The following DYNC1I1 variants were observed in gnomAD, a reference collection of about 807,000 sequenced individuals.
DYNC1I1 encodes cytoplasmic dynein 1 intermediate chain 1.
A neutral mutation model predicts 86.6 loss-of-function variants in DYNC1I1; 43 were observed. The observed-to-expected ratio is 0.50, with a 90% CI of 0.39 to 0.64. The LOEUF (loss-of-function observed/expected upper bound fraction) is 0.64, where lower values mean the gene tolerates loss of function less well. Among genes scored for constraint, DYNC1I1 ranks in the 30% least tolerant of loss-of-function variants. The pLI, the probability that DYNC1I1 is intolerant of heterozygous loss-of-function variation, is 0.00. For synonymous variants in DYNC1I1, 262 were observed against 283.7 expected (o/e 0.92, Z 0.77); for missense variants, 604 against 788.8 (o/e 0.77, Z 2.81).
chr7:95,804,682 T>G (rs777502994), intron 1 of DYNC1I1, 39 bp from the exon 2 acceptor site: 9 of 1,508,094 alleles, frequency 6.0e-6, no homozygotes, highest in Non-Finnish European at 6.2e-6. Flanking sequence ...AGAAAAGTTA[T>G]TTATATATAT....
chr7:96,013,325 T>C (rs1794322359), intron 10 of DYNC1I1, among the ~76,000 whole-genome samples: 1 of 152,134 alleles, frequency 6.6e-6, no homozygotes, highest in African/African-American at 2.4e-5. Flanking sequence ...AAATTGATTC[T>C]CCCCTTTACC....
chr7:95,850,626 T>C (rs1024482715), intron 5 of DYNC1I1, among the ~76,000 whole-genome samples: 2 of 152,208 alleles, frequency 1.3e-5, no homozygotes, highest in Admixed American at 1.3e-4. Context: ...TGTAATGCCT[T>C]TTCCATCTTA....
chr7:95,954,864 C>T (rs950850478), intron 6 of DYNC1I1, among the ~76,000 whole-genome samples: 2 of 135,602 alleles, frequency 1.5e-5, no homozygotes, highest in Non-Finnish European at 3.0e-5. Flanking sequence ...TGCAGTGAGC[C>T]GAGATCGCAC....
chr7:95,888,127 A>C (rs944446387), intron 6 of DYNC1I1, among the ~76,000 whole-genome samples: 1 of 152,238 alleles, frequency 6.6e-6, no homozygotes, highest in Non-Finnish European at 1.5e-5. Context: ...TTGGATGATT[A>C]AATATTTTTA....
intron 5 of DYNC1I1, among the ~76,000 whole-genome samples, chr7:95,846,623 CTCTCTGTGTG>C (rs1400613258): frequency 2.5e-5 from 3 of 121,242 alleles, no homozygotes; most frequent in East Asian, 2.3e-4. Flanking sequence ...ATAAATCTCT[CTCTCTGTGTG>C]TGTGTGTGTG....
intron 10 of DYNC1I1, among the ~76,000 whole-genome samples, chr7:96,005,638 G>A (rs1794123213): frequency 6.6e-6 from 1 of 152,150 alleles, no homozygotes. Flanking sequence ...AAGAACTGCT[G>A]TATGGGAACA....
At chr7:95,907,496 C>T (rs1204352486) in intron 6 of DYNC1I1, among the ~76,000 whole-genome samples, 2 of 152,164 alleles carry the variant, frequency 1.3e-5, no homozygotes, top group Non-Finnish European at 2.9e-5. Flanking sequence ...CTTCACTCTT[C>T]ACTATGGTCA....
chr7:95,778,037 A>G (rs1294862760), intron 1 of DYNC1I1, among the ~76,000 whole-genome samples: 1 of 152,218 alleles, frequency 6.6e-6, no homozygotes, highest in African/African-American at 2.4e-5. Context: ...TCCAATTAAA[A>G]TCTAAATACC....
chr7:95,949,974 CTT>C (rs59942915), intron 6 of DYNC1I1, among the ~76,000 whole-genome samples: 8 of 150,008 alleles, frequency 5.3e-5, no homozygotes, highest in Non-Finnish European at 7.4e-5. Flanking sequence ...TCTCATCTTT[CTT>C]TTTTTTTTTC....
intron 14 of DYNC1I1, among the ~76,000 whole-genome samples, chr7:96,044,479 T>C (rs1045730377): frequency 6.6e-6 from 1 of 152,002 alleles, no homozygotes; most frequent in African/African-American, 2.4e-5. Flanking sequence ...TTCTTGAGAT[T>C]AGAGAGAGCT....
At chr7:96,006,556 T>C (rs1413646943) in intron 10 of DYNC1I1, among the ~76,000 whole-genome samples, 1 of 152,210 alleles carries the variant, frequency 6.6e-6, no homozygotes, top group Non-Finnish European at 1.5e-5. Context: ...TTTAGAACAT[T>C]CCAATGTGTT....
At chr7:95,959,408 T>G (rs1792803575) in intron 6 of DYNC1I1, among the ~76,000 whole-genome samples, 1 of 152,158 alleles carries the variant, frequency 6.6e-6, no homozygotes, top group Non-Finnish European at 1.5e-5. Context: ...CAAGGCCATG[T>G]CAGTAGGTTA....
intron 14 of DYNC1I1, 106 bp from the exon 15 acceptor site, chr7:96,075,951 A>T: frequency 1.4e-6 from 2 of 1,446,464 alleles, no homozygotes; most frequent in Non-Finnish European, 1.8e-6. Context: ...TCATCTCGGG[A>T]AGTTTTATGA....
At chr7:95,981,866 G>T (rs1331904990) in intron 7 of DYNC1I1, among the ~76,000 whole-genome samples, 1 of 152,066 alleles carries the variant, frequency 6.6e-6, no homozygotes, top group African/African-American at 2.4e-5. Context: ...TAATTTATTA[G>T]ATTCCAGGGA....
chr7:95,917,591 C>A (rs901323906), intron 6 of DYNC1I1, among the ~76,000 whole-genome samples: 1 of 152,142 alleles, frequency 6.6e-6, no homozygotes, highest in Non-Finnish European at 1.5e-5. Flanking sequence ...CATTCAAAAA[C>A]GGTACAAGTT....
At chr7:95,930,787 TA>T (rs901633676) in intron 6 of DYNC1I1, among the ~76,000 whole-genome samples, 1 of 152,088 alleles carries the variant, frequency 6.6e-6, no homozygotes, top group African/African-American at 2.4e-5. Flanking sequence ...GTTTTTGATG[TA>T]AAAAAAATAT....
chr7:95,945,314 A>G (rs1792368979), intron 6 of DYNC1I1, among the ~76,000 whole-genome samples: 1 of 152,094 alleles, frequency 6.6e-6, no homozygotes, highest in Non-Finnish European at 1.5e-5. Flanking sequence ...TTTTATTGTA[A>G]ATTATAAGAG....
intron 10 of DYNC1I1, among the ~76,000 whole-genome samples, chr7:96,004,107 G>T (rs1352585960): frequency 4.6e-5 from 7 of 152,176 alleles, no homozygotes. Context: ...CTATTGTAGA[G>T]AATTTCTTCA....
At chr7:95,887,067 A>T (rs1223552849) in intron 6 of DYNC1I1, among the ~76,000 whole-genome samples, 2 of 152,064 alleles carry the variant, frequency 1.3e-5, no homozygotes, top group East Asian at 3.9e-4. Context: ...GAGGTCCTCT[A>T]CTCAGCCAGT....
Sources: gnomAD v4.1 joint callset for allele counts (sites outside exome capture counted in the v4.1 genomes callset) on GRCh38, gnomAD v4.1.1 for gene constraint, MANE v1.5 for transcripts, NCBI Gene and HGNC (gene_info 2026-07-23, HGNC 2026-07-21) for gene names.